Variants in ST18 observed in about 807,000 individuals in gnomAD.
ST18 encodes the protein suppression of tumorigenicity 18 protein.
In ST18, 50 loss-of-function variants were observed where a neutral mutation model predicts 110.0. The observed-to-expected ratio is 0.45, with a 90% CI of 0.36 to 0.58. ST18 has a LOEUF of 0.58. Among genes scored for constraint, ST18 ranks in the 20% least tolerant of loss-of-function variants. The pLI is 0.00. For missense variants in ST18, 1,306 were observed against 1,280.1 expected (o/e 1.02, Z -0.31); for synonymous variants, 461 against 452.4 (o/e 1.02, Z -0.24).
At chr8:52,402,875 G>C (rs1039955940) in intron 2 of ST18, among the ~76,000 whole-genome samples, 1 of 152,178 alleles carries the variant, frequency 6.6e-6, no homozygotes, top group African/African-American at 2.4e-5. Flanking sequence ...GTTTCTCTGG[G>C]GGCCAGTATA....
rs75836099 is a variant in ST18, at chr8:52,135,199, C to T, written c.2300+1391G>A. ...CTCTACTTACTACTTATATTTTAGTCTAGAAAAATGCCAGTCAATAAAATG... is the reference window on the plus strand; with the variant it reads ...CTCTACTTACTACTTATATTTTAGTTTAGAAAAATGCCAGTCAATAAAATG... On this transcript the variant is annotated intron_variant, in intron 19 of 25. Coordinates refer to ENST00000689386, the MANE Select transcript of ST18 (RefSeq NM_001352837.2). Among the ~76,000 whole-genome samples, 515 of 152,200 alleles carry T rather than the reference C, an allele frequency of 3.4e-3. 5 individuals are homozygous for T. Among genetic ancestry groups the T allele is most frequent in the African/African-American group, 0.012 (487 of 41,506 alleles).
chr8:52,285,965 AACACCC>A lies in ST18; in HGVS notation c.-464-55894_-464-55889del, dbSNP rs544552306. 1.5e-3 allele frequency among the ~76,000 whole-genome samples: 234 copies of A among 152,296 alleles called. 2 individuals carry two copies. The highest frequency in any genetic ancestry group is 0.01 in the East Asian group (52 of 5,176). On this transcript the variant is annotated intron_variant, in intron 2 of 25. Coordinates refer to ENST00000689386, the MANE Select transcript of ST18 (RefSeq NM_001352837.2). ...AGCTTCTTAGTCTTTCATTCACTAC[AACACCC>A]ACTGCTACTGCTCCTACTACCATTA...
intron 2 of ST18, among the ~76,000 whole-genome samples, chr8:52,253,469 C>T (rs2094413680): frequency 6.6e-6 from 1 of 151,962 alleles, no homozygotes; most frequent in African/African-American, 2.4e-5. Flanking sequence ...TGAACAGTAT[C>T]GTTTTTATAG....
chr8:52,330,053 C>T (rs1808466535), intron 2 of ST18, among the ~76,000 whole-genome samples: 1 of 152,162 alleles, frequency 6.6e-6, no homozygotes, highest in Non-Finnish European at 1.5e-5. Flanking sequence ...TATCTCAGGA[C>T]TCTTATTGAA....
chr8:52,389,110 G>T (rs984456196), intron 2 of ST18, among the ~76,000 whole-genome samples: 4 of 152,166 alleles, frequency 2.6e-5, no homozygotes, highest in Non-Finnish European at 5.9e-5. Context: ...GAGGCGAGGC[G>T]AGCCTGGCGC....
intron 8 of ST18, among the ~76,000 whole-genome samples, chr8:52,205,200 T>A (rs907808441): frequency 1.3e-5 from 2 of 150,086 alleles, no homozygotes; most frequent in Non-Finnish European, 3.0e-5. Flanking sequence ...ATATATATAT[T>A]TTATTACATA....
At chr8:52,129,854 G>A (rs2048524824) in intron 22 of ST18, among the ~76,000 whole-genome samples, 1 of 152,062 alleles carries the variant, frequency 6.6e-6, no homozygotes, top group South Asian at 2.1e-4. Flanking sequence ...AGACCAGCCT[G>A]ACCAACATGG....
chr8:52,136,310 C>T (rs918099867), intron 19 of ST18, among the ~76,000 whole-genome samples: 2 of 152,168 alleles, frequency 1.3e-5, no homozygotes, highest in African/African-American at 4.8e-5. Context: ...AATACATAGA[C>T]TGTGAAATTT....
chr8:52,311,387 A>T (rs1360683087), intron 2 of ST18, among the ~76,000 whole-genome samples: 1 of 152,206 alleles, frequency 6.6e-6, no homozygotes, highest in African/African-American at 2.4e-5. Context: ...ACCCCTGTCA[A>T]GGAGTATTTT....
At chr8:52,146,474 CTTTT>C in intron 16 of ST18, among the ~76,000 whole-genome samples, 1 of 151,304 alleles carries the variant, frequency 6.6e-6, no homozygotes, top group East Asian at 1.9e-4. Flanking sequence ...ACCTTCTTCT[CTTTT>C]TTTTCTTTGT....
At chr8:52,138,749 C>A (rs147665108) in intron 17 of ST18, among the ~76,000 whole-genome samples, 1 of 152,096 alleles carries the variant, frequency 6.6e-6, no homozygotes, top group Non-Finnish European at 1.5e-5. Context: ...GTGTTATTTG[C>A]GGTGGTGTCA....
At chr8:52,320,056 C>T (rs972467659) in intron 2 of ST18, among the ~76,000 whole-genome samples, 1 of 152,056 alleles carries the variant, frequency 6.6e-6, no homozygotes, top group Non-Finnish European at 1.5e-5. Flanking sequence ...CTCTACCTCT[C>T]AATGAGAGGA....
At chr8:52,405,214 A>G (rs1272229004) in intron 2 of ST18, 1 of 152,230 alleles carries the variant, frequency 6.6e-6, no homozygotes, top group Non-Finnish European at 1.5e-5. Flanking sequence ...CTCAGGATTC[A>G]TATATCTCTT....
At chr8:52,211,271 G>A (rs981714920) in intron 8 of ST18, among the ~76,000 whole-genome samples, 27 of 152,088 alleles carry the variant, frequency 1.8e-4, no homozygotes, top group African/African-American at 6.5e-4. Flanking sequence ...AGGTGTAGTA[G>A]CAGCAATATC....
chr8:52,368,486 A>C (rs1829016084), intron 2 of ST18, among the ~76,000 whole-genome samples: 1 of 152,346 alleles, frequency 6.6e-6, no homozygotes, highest in African/African-American at 2.4e-5. Flanking sequence ...GAGATCTAAA[A>C]AGAGAGAATA....
chr8:52,308,728 C>T (rs1224466860), intron 2 of ST18, among the ~76,000 whole-genome samples: 2 of 152,178 alleles, frequency 1.3e-5, no homozygotes, highest in Non-Finnish European at 1.5e-5. Flanking sequence ...CAGAAGCCTC[C>T]AAGGACCAAT....
At chr8:52,386,030 T>C (rs1836586943) in intron 2 of ST18, among the ~76,000 whole-genome samples, 1 of 152,160 alleles carries the variant, frequency 6.6e-6, no homozygotes, top group Admixed American at 6.5e-5. Flanking sequence ...TGGGACTTGA[T>C]TATGAAGAAG....
chr8:52,302,509 T>G (rs887742442), intron 2 of ST18, among the ~76,000 whole-genome samples: 2 of 152,172 alleles, frequency 1.3e-5, no homozygotes, highest in African/African-American at 4.8e-5. Context: ...TCCACAGCAG[T>G]GGGCACACCA....
chr8:52,221,574 GTA>G (rs1244160604), intron 4 of ST18, 64 bp downstream of exon 4: 3 of 152,152 alleles, frequency 2.0e-5, no homozygotes, highest in Non-Finnish European at 2.9e-5. Context: ...AACATCACGT[GTA>G]TCCATGCACA....
Sources: allele counts gnomAD v4.1 joint callset (sites outside exome capture counted in the v4.1 genomes callset), GRCh38; gene constraint gnomAD v4.1.1; transcripts MANE v1.5; gene names NCBI Gene and HGNC (gene_info 2026-07-23, HGNC 2026-07-21).